The following CEP112 variants were observed in gnomAD, a reference collection of about 807,000 sequenced individuals.
The protein encoded by CEP112 is centrosomal protein 112, also known as centrosomal protein of 112 kDa.
Under a neutral mutation model 153.0 loss-of-function variants are expected in CEP112, and 127 were observed. The ratio of observed to expected loss-of-function variants is 0.83; its 90% CI spans 0.72 to 0.96. The LOEUF (loss-of-function observed/expected upper bound fraction) is 0.96, where lower values mean the gene tolerates loss of function less well. Ranked by LOEUF, CEP112 falls within the 40% of genes least tolerant of loss-of-function variation. The pLI, the probability that CEP112 is intolerant of heterozygous loss-of-function variation, is 0.00. For missense variants in CEP112, 1,089 were observed against 1,101.2 expected, an observed-to-expected ratio of 0.99 and a Z score of 0.16; for synonymous variants, 358 against 374.4, an observed-to-expected ratio of 0.96 and a Z score of 0.51.
chr17:65,739,856 G>A (rs2051025439), intron 23 of CEP112, among the ~76,000 whole-genome samples: 1 of 152,150 alleles, frequency 6.6e-6, no homozygotes, highest in Non-Finnish European at 1.5e-5. Flanking sequence ...TGAGGATCAT[G>A]CCTGCTGTTA....
chr17:66,021,261 C>T (rs955928492), intron 16 of CEP112, among the ~76,000 whole-genome samples: 1 of 152,090 alleles, frequency 6.6e-6, no homozygotes, highest in African/African-American at 2.4e-5. Flanking sequence ...GTGGCGGCAG[C>T]ACCAGCATTA....
At chr17:65,651,951 C>T (rs1035261712) in intron 24 of CEP112, among the ~76,000 whole-genome samples, 4 of 152,212 alleles carry the variant, frequency 2.6e-5, no homozygotes, top group African/African-American at 7.2e-5. Flanking sequence ...GATCCGCCTG[C>T]CTTGGCCTCC....
At chr17:65,949,055 A>G (rs1221785822) in intron 18 of CEP112, among the ~76,000 whole-genome samples, 1 of 114,058 alleles carries the variant, frequency 8.8e-6, no homozygotes, top group Non-Finnish European at 1.8e-5. Context: ...TGATTATCCA[A>G]ATAATGACTG....
intron 18 of CEP112, among the ~76,000 whole-genome samples, chr17:65,951,749 C>CTCCCCCCG (rs371338724): frequency 5.7e-5 from 6 of 106,148 alleles, no homozygotes; most frequent in South Asian, 3.6e-4. Context: ...CCCCGCCCCC[C>CTCCCCCCG]CCTTTCTTCC....
intron 17 of CEP112, among the ~76,000 whole-genome samples, chr17:65,979,926 C>T (rs7210222): frequency 0.52 from 78,985 of 151,852 alleles, 21,540 homozygotes; most frequent in African/African-American, 0.6. Context: ...AACGCTATCA[C>T]CATTCTAAAC....
intron 19 of CEP112, among the ~76,000 whole-genome samples, chr17:65,910,039 C>T (rs1398640138): frequency 6.6e-6 from 1 of 152,090 alleles, no homozygotes; most frequent in Admixed American, 6.6e-5. Flanking sequence ...GACTGATTCT[C>T]TCTGATAGAA....
intron 4 of CEP112, among the ~76,000 whole-genome samples, chr17:66,136,020 C>T (rs939508289): frequency 6.6e-6 from 1 of 152,178 alleles, no homozygotes; most frequent in Non-Finnish European, 1.5e-5. Flanking sequence ...CTTTGTGAGA[C>T]ATCCAGAGAC....
At chr17:65,919,133 C>G (rs2060607761) in intron 19 of CEP112, among the ~76,000 whole-genome samples, 1 of 152,238 alleles carries the variant, frequency 6.6e-6, no homozygotes, top group Non-Finnish European at 1.5e-5. Flanking sequence ...GAAGCAGCCT[C>G]TGCAAGCTGG....
chr17:66,166,959 GA>G (rs2071998311), intron 4 of CEP112, among the ~76,000 whole-genome samples: 1 of 150,254 alleles, frequency 6.7e-6, no homozygotes, highest in Non-Finnish European at 1.5e-5. Context: ...TATATGGCGT[GA>G]AAAAATGTAA....
At chr17:65,850,408 C>T (rs1203767159) in intron 21 of CEP112, among the ~76,000 whole-genome samples, 2 of 152,062 alleles carry the variant, frequency 1.3e-5, no homozygotes, top group African/African-American at 4.8e-5. Context: ...ACTTCCCACC[C>T]CCCAGCATAT....
chr17:65,907,563 A>G (rs1211936040), intron 19 of CEP112, among the ~76,000 whole-genome samples: 2 of 152,118 alleles, frequency 1.3e-5, no homozygotes, highest in Non-Finnish European at 2.9e-5. Flanking sequence ...CTACATGGCT[A>G]ACTTCTGGAT....
At chr17:66,017,999 CAA>C (rs57700701) in intron 16 of CEP112, among the ~76,000 whole-genome samples, 64,367 of 135,296 alleles carry the variant, frequency 0.48, 14,507 homozygotes, top group African/African-American at 0.52. Flanking sequence ...GACTCTGTCT[CAA>C]AAAAAAAAAA....
At chr17:66,082,782 T>C (rs2067772406) in intron 8 of CEP112, among the ~76,000 whole-genome samples, 1 of 151,706 alleles carries the variant, frequency 6.6e-6, no homozygotes, top group African/African-American at 2.4e-5. Context: ...AAAAAATTTT[T>C]ATATGTGTAT....
intron 20 of CEP112, among the ~76,000 whole-genome samples, chr17:65,852,308 CCCT>C (rs2057973447): frequency 1.4e-5 from 1 of 69,682 alleles, no homozygotes; most frequent in African/African-American, 6.3e-5. Flanking sequence ...CCCTTCCCTT[CCCT>C]TCCCTTTCCT....
intron 4 of CEP112, among the ~76,000 whole-genome samples, chr17:66,151,512 C>T (rs886789545): frequency 6.6e-6 from 1 of 152,162 alleles, no homozygotes; most frequent in East Asian, 1.9e-4. Context: ...TTTTAATAAA[C>T]AGAATCCGAC....
At chr17:65,644,912 C>T (rs1194550996) in intron 24 of CEP112, among the ~76,000 whole-genome samples, 2 of 152,064 alleles carry the variant, frequency 1.3e-5, no homozygotes, top group Non-Finnish European at 2.9e-5. Context: ...TGATTTTTTT[C>T]ATGTTGAATA....
At chr17:65,851,228 G>T (rs1382605427) in intron 21 of CEP112, among the ~76,000 whole-genome samples, 4 of 152,084 alleles carry the variant, frequency 2.6e-5, no homozygotes, top group Non-Finnish European at 4.4e-5. Flanking sequence ...TTTTCTGAAC[G>T]TCAAAAGAAA....
At chr17:65,783,277 T>C (rs1325722416) in intron 21 of CEP112, among the ~76,000 whole-genome samples, 1 of 152,188 alleles carries the variant, frequency 6.6e-6, no homozygotes, top group African/African-American at 2.4e-5. Flanking sequence ...ATAATGATGA[T>C]GATGAGAATA....
intron 4 of CEP112, among the ~76,000 whole-genome samples, chr17:66,161,923 T>C (rs890666592): frequency 6.6e-6 from 1 of 152,106 alleles, no homozygotes; most frequent in Admixed American, 6.6e-5. Flanking sequence ...AGTATAATTT[T>C]CTTAAAAATC....
Sources: allele counts gnomAD v4.1 joint callset (sites outside exome capture counted in the v4.1 genomes callset), GRCh38; gene constraint gnomAD v4.1.1; transcripts MANE v1.5; gene names NCBI Gene and HGNC (gene_info 2026-07-23, HGNC 2026-07-21).